Variants in CBFA2T3 observed in about 807,000 individuals in gnomAD.
The protein encoded by CBFA2T3 is transcriptional corepressor CBFA2T3.
CBFA2T3 carries 31 observed loss-of-function variants against 58.6 expected under a neutral mutation model. The observed-to-expected ratio is 0.53, with a 90% CI of 0.40 to 0.71. The LOEUF (loss-of-function observed/expected upper bound fraction) is 0.71, where lower values mean the gene tolerates loss of function less well. Ranked by LOEUF, CBFA2T3 falls within the 30% of genes least tolerant of loss-of-function variation. The pLI is 0.00. For missense variants in CBFA2T3, 1,076 were observed against 963.1 expected (o/e 1.12, Z -1.55); for synonymous variants, 531 against 421.9 (o/e 1.26, Z -3.17).
intron 5 of CBFA2T3, among the ~76,000 whole-genome samples, chr16:88,888,818 A>T (rs889061816): frequency 2.0e-4 from 31 of 151,658 alleles, no homozygotes; most frequent in African/African-American, 6.5e-4. Context: ...TGGGGGCACG[A>T]GGTGGGCTGG....
At chr16:88,909,130 C>T (rs1396191035) in intron 1 of CBFA2T3, among the ~76,000 whole-genome samples, 8 of 152,326 alleles carry the variant, frequency 5.3e-5, no homozygotes, top group South Asian at 2.1e-4. Flanking sequence ...TTACTCCAGC[C>T]GAACCCTCAT....
At position 88,976,683 on chromosome 16, in the gene CBFA2T3, G is replaced by T; in HGVS notation, c.125C>A (p.Pro42His). The T allele has an allele frequency of 6.4e-7, 1 of 1,563,332 alleles. No homozygotes were observed. ...GLLASAGCSA[P>H]RGPRKGGPAP... ...TGGGCCGCCCTTCCTGGGACCCCGG[G>T]GTGCGGAGCAGCCGGCAGATGCCAG... Residue 42 changes from proline (P) to histidine (H), a missense_variant, in exon 1 of 12, where the codon CCC becomes CAC. Transcript: ENST00000268679.
At chr16:88,923,657 G>A (rs1317251089) in intron 1 of CBFA2T3, among the ~76,000 whole-genome samples, 1 of 152,228 alleles carries the variant, frequency 6.6e-6, no homozygotes, top group African/African-American at 2.4e-5. Flanking sequence ...GCTCGGGGAG[G>A]GAGGCCAAGC....
At chr16:88,890,253 C>T (rs540380246) in intron 5 of CBFA2T3, among the ~76,000 whole-genome samples, 148 of 152,322 alleles carry the variant, frequency 9.7e-4, no homozygotes, top group South Asian at 4.4e-3. Context: ...GTCTCCTCAA[C>T]AGCCTGAGGA....
intron 1 of CBFA2T3, chr16:88,936,657 T>C (rs895058996): frequency 3.9e-5 from 6 of 152,418 alleles, no homozygotes; most frequent in African/African-American, 1.4e-4. Context: ...AGCTGCCGGC[T>C]GGGCTGCTGG....
intron 5 of CBFA2T3, chr16:88,886,376 C>G (rs185951543): frequency 7.6e-6 from 3 of 393,418 alleles, no homozygotes; most frequent in African/African-American, 2.1e-5. Context: ...GGCCACACGG[C>G]GATGTGGGGC....
At position 88,952,763 on chromosome 16, in the gene CBFA2T3, C is replaced by G. The variant is rs145645829; in HGVS notation, c.151+23894G>C. On this transcript the variant is annotated intron_variant, in intron 1 of 11. Coordinates refer to ENST00000268679, the MANE Select transcript of CBFA2T3 (RefSeq NM_005187.6). ...GTCTGGGAGAGACGCCTCCCATACC[C>G]CCATGACAGCCCATCACAATTGTTC... is the stretch of plus-strand genomic sequence containing the variant. 9.4e-3 allele frequency among the ~76,000 whole-genome samples: 1,425 copies of G among 152,282 alleles called. 18 individuals carry two copies. Among genetic ancestry groups the G allele is most frequent in the African/African-American group, 0.032 (1,343 of 41,556 alleles).
chr16:88,878,357 A>C (rs1431047492), intron 11 of CBFA2T3, among the ~76,000 whole-genome samples: 5 of 151,840 alleles, frequency 3.3e-5, no homozygotes, highest in African/African-American at 9.7e-5. Context: ...ATCTCCTCCC[A>C]CCCCGGGGCT....
intron 2 of CBFA2T3, among the ~76,000 whole-genome samples, 194 bp from the exon 3 acceptor site, chr16:88,898,346 C>A (rs563983071): frequency 1.4e-4 from 22 of 152,070 alleles, no homozygotes; most frequent in African/African-American, 4.1e-4. Flanking sequence ...TTCGGAGGGG[C>A]CTGGGCAGGA....
chr16:88,886,310 C>A, intron 5 of CBFA2T3, 168 bp from the exon 6 acceptor site: 4 of 407,796 alleles, frequency 9.8e-6, no homozygotes, highest in Non-Finnish European at 1.7e-5. Flanking sequence ...CTAGCAGTGC[C>A]ATGGGAGGGT....
rs567504491 is a variant in CBFA2T3, at chr16:88,896,204, T to C, written c.379+1874A>G. Among the ~76,000 whole-genome samples the C allele has an allele frequency of 2.0e-5, 3 of 152,264 alleles. No homozygotes were observed. The South Asian group carries it at 6.2e-4, about 32-fold the overall frequency. On this transcript the variant is annotated intron_variant, in intron 3 of 11. Coordinates refer to ENST00000268679, the MANE Select transcript of CBFA2T3 (RefSeq NM_005187.6). ...TGGCACAAAACCTTGAGTGCACGCG[T>C]GGCCTCAGACTTTCCCTACGGGGGG...
intron 1 of CBFA2T3, among the ~76,000 whole-genome samples, chr16:88,952,019 C>A (rs969540660): frequency 3.9e-5 from 6 of 152,236 alleles, no homozygotes. Context: ...CCCAGGACCC[C>A]TGTGCAGAGG....
At chr16:88,917,296 C>G (rs1027581535) in intron 1 of CBFA2T3, among the ~76,000 whole-genome samples, 10 of 152,148 alleles carry the variant, frequency 6.6e-5, no homozygotes, top group Non-Finnish European at 4.4e-5. Context: ...GAGGCTGCAC[C>G]TGGTTCTGAA....
intron 1 of CBFA2T3, chr16:88,941,027 G>T: frequency 1.0e-6 from 1 of 984,280 alleles, no homozygotes; most frequent in Non-Finnish European, 1.2e-6. Context: ...TACGGTCGGG[G>T]GGTCCGGGGG....
intron 1 of CBFA2T3, among the ~76,000 whole-genome samples, chr16:88,946,811 G>A (rs1971915503): frequency 6.6e-6 from 1 of 151,944 alleles, no homozygotes; most frequent in Admixed American, 6.6e-5. Flanking sequence ...TTTTAGACAG[G>A]GTCTCACTCT....
chr16:88,886,095 C>G lies in CBFA2T3; in HGVS notation c.759G>C (p.Leu253=), dbSNP rs745514846. ...AGTACTGGGCGGGCGTCTGCTTGGC[C>G]AGGCGTGCACAGTGCAGGAGCTCCC... The part of the protein sequence containing the change: ...LQRELLHCAR[L]AKQTPAQYLA... The change falls in exon 6 of 12, where the codon CTG becomes CTC. Residue 253 remains leucine (L), a synonymous_variant. Transcript: ENST00000268679. The G allele has an allele frequency of 6.3e-7, 1 of 1,587,558 alleles. No individual in the cohort carries two copies. Among genetic ancestry groups the G allele is most frequent in the Non-Finnish European group, 8.5e-7 (1 of 1,174,352 alleles).
chr16:88,919,457 C>G (rs1422618638), intron 1 of CBFA2T3, among the ~76,000 whole-genome samples: 1 of 152,196 alleles, frequency 6.6e-6, no homozygotes, highest in Non-Finnish European at 1.5e-5. Context: ...AGGGAACAAG[C>G]ACTCTATTTC....
At position 88,920,377 on chromosome 16, in the gene CBFA2T3, A is replaced by C. The variant is rs546918031; in HGVS notation, c.152-18721T>G. On this transcript the variant is annotated intron_variant, in intron 1 of 11. Coordinates refer to ENST00000268679, the MANE Select transcript of CBFA2T3 (RefSeq NM_005187.6). ...CTGCAACCTCTGCCTCTCAGGTTCAAGTGATTCTTGTGCCTCAGCCTCCCG... is the reference window on the plus strand; with the variant it reads ...CTGCAACCTCTGCCTCTCAGGTTCACGTGATTCTTGTGCCTCAGCCTCCCG... Among the ~76,000 whole-genome samples the C allele has an allele frequency of 7.7e-4, 117 of 152,126 alleles. 2 individuals carry two copies. The Middle Eastern group carries it at 0.024, about 31-fold the overall frequency.
intron 1 of CBFA2T3, among the ~76,000 whole-genome samples, chr16:88,914,834 T>C (rs1970639605): frequency 6.6e-6 from 1 of 152,166 alleles, no homozygotes; most frequent in South Asian, 2.1e-4. Flanking sequence ...GGGACCCAGA[T>C]GTCTGGGGCC....
Sources: gnomAD v4.1 joint callset for allele counts (sites outside exome capture counted in the v4.1 genomes callset) on GRCh38, gnomAD v4.1.1 for gene constraint, MANE v1.5 for transcripts, NCBI Gene and HGNC (gene_info 2026-07-23, HGNC 2026-07-21) for gene names.